The following CPNE5 variants were observed in gnomAD, a reference collection of about 807,000 sequenced individuals.
CPNE5 encodes the protein copine-5.
Under a neutral mutation model 81.1 loss-of-function variants are expected in CPNE5, and 42 were observed. The ratio of observed to expected loss-of-function variants is 0.52; its 90% CI spans 0.40 to 0.67. The LOEUF is 0.67. Among genes scored for constraint, CPNE5 ranks in the 30% least tolerant of loss-of-function variants. CPNE5 has a pLI of 0.00. For missense variants in CPNE5, 612 were observed against 815.5 expected, an observed-to-expected ratio of 0.75 and a Z score of 3.04; for synonymous variants, 313 against 321.5, an observed-to-expected ratio of 0.97 and a Z score of 0.28.
chr6:36,767,957 AGTGC>A (rs745601063), intron 10 of CPNE5, among the ~76,000 whole-genome samples: 4 of 152,192 alleles, frequency 2.6e-5, no homozygotes, highest in Non-Finnish European at 4.4e-5. Context: ...GTTGGTCTGG[AGTGC>A]AAGCTGGGCA....
chr6:36,805,089 G>A (rs74637592), intron 3 of CPNE5, among the ~76,000 whole-genome samples: 1,676 of 152,280 alleles, frequency 0.011, 12 homozygotes, highest in Middle Eastern at 0.031. Context: ...CCCCATTAAT[G>A]ATGGCAGGAA....
chr6:36,769,847 G>A lies in CPNE5; in HGVS notation c.738-4471C>T, dbSNP rs144295500. Among the ~76,000 whole-genome samples the A allele has an allele frequency of 9.5e-3, 1,439 of 152,210 alleles. 22 individuals are homozygous for A. The highest frequency in any genetic ancestry group is 0.032 in the African/African-American group (1,326 of 41,470). On this transcript the variant is annotated intron_variant, in intron 10 of 20. Coordinates refer to ENST00000244751, the MANE Select transcript of CPNE5 (RefSeq NM_020939.2). The stretch of plus-strand genomic sequence containing the variant: ...CCCTCCTGGGAGCTCATCTGTGGCC[G>A]GATGCAAAAGAGAAGGAACTCACAC...
chr6:36,820,268 G>A (rs1004335772), intron 3 of CPNE5, among the ~76,000 whole-genome samples: 34 of 151,720 alleles, frequency 2.2e-4, no homozygotes, highest in African/African-American at 7.7e-4. Context: ...GGCAGAGGTA[G>A]CAATGTGGCA....
At chr6:36,781,128 A>G (rs969000468) in intron 8 of CPNE5, among the ~76,000 whole-genome samples, 3 of 152,160 alleles carry the variant, frequency 2.0e-5, no homozygotes, top group African/African-American at 7.2e-5. Context: ...AAGAGGCTGT[A>G]AGCACGGGTG....
At position 36,745,603 on chromosome 6, in the gene CPNE5, AGCAGGCCTGGGCTCC is replaced by A. The variant is rs1377417774; in HGVS notation, c.1201-103_1201-89del. ...GGAACTGAGTCCAGGTGGGGAGGCC[AGCAGGCCTGGGCTCC>A]CCCAGGTCTTCTCTGGTGTGGGGTG... On this transcript the variant is annotated intron_variant, in intron 16 of 20. Coordinates refer to ENST00000244751, the MANE Select transcript of CPNE5 (RefSeq NM_020939.2). 114 of 1,436,152 alleles carry A rather than the reference AGCAGGCCTGGGCTCC, an allele frequency of 7.9e-5. 1 individual carries two copies. The East Asian group carries it at 2.6e-3, about 33-fold the overall frequency. The allele number at this position is 1,436,152 out of a possible 1,614,324, so 89.0% of individuals were successfully genotyped here. A position where few individuals can be genotyped will look rare whatever the true frequency, so the allele number is the denominator to read the frequency against.
intron 6 of CPNE5, among the ~76,000 whole-genome samples, chr6:36,795,141 G>T (rs531087182): frequency 6.6e-6 from 1 of 152,278 alleles, no homozygotes; most frequent in African/African-American, 2.4e-5. Flanking sequence ...TCCTCAGAAT[G>T]TGACTATATT....
At chr6:36,771,225 T>TC (rs1438906516) in intron 10 of CPNE5, among the ~76,000 whole-genome samples, 2 of 152,116 alleles carry the variant, frequency 1.3e-5, no homozygotes, top group South Asian at 2.1e-4. Flanking sequence ...TTAGTAAGCC[T>TC]CCCCCAGATG....
chr6:36,814,276 G>A (rs895948203), intron 3 of CPNE5, among the ~76,000 whole-genome samples: 1 of 152,192 alleles, frequency 6.6e-6, no homozygotes, highest in African/African-American at 2.4e-5. Flanking sequence ...ACCTGTGTCG[G>A]TGAGGACTAC....
At chr6:36,743,607 A>G in intron 20 of CPNE5, 82 bp downstream of exon 20, 4 of 1,354,928 alleles carry the variant, frequency 3.0e-6, no homozygotes, top group Non-Finnish European at 4.2e-6. Flanking sequence ...TTCACCAGGG[A>G]AGCCCCCAAA....
At chr6:36,833,732 A>C (rs1583057073) in intron 1 of CPNE5, among the ~76,000 whole-genome samples, 1 of 152,154 alleles carries the variant, frequency 6.6e-6, no homozygotes, top group Non-Finnish European at 1.5e-5. Flanking sequence ...CTTGGATAAG[A>C]CCACAGCCCT....
rs747201360 is a variant in CPNE5, at chr6:36,809,211, G to GGA, written c.184-9143_184-9142dup. On this transcript the variant is annotated intron_variant, in intron 3 of 20. Transcript: ENST00000244751. ...CAGCCCCTACGCAGAGAGAGAGAGA[G>GGA]GAGAGAGAGAGAGGAAGGGAGAGAC... Among the ~76,000 whole-genome samples, 415 of 151,776 alleles carry GGA rather than the reference G, an allele frequency of 2.7e-3. 2 individuals are homozygous for GGA. Among genetic ancestry groups the GGA allele is most frequent in the African/African-American group, 5.5e-3 (226 of 41,368 alleles).
rs151001722 is a variant in CPNE5, at chr6:36,772,322, T to C, written c.737+2639A>G. Among the ~76,000 whole-genome samples the C allele has an allele frequency of 6.4e-3, 979 of 152,252 alleles. 10 individuals are homozygous for C. The highest frequency in any genetic ancestry group is 0.023 in the African/African-American group (953 of 41,536). Reference sequence around the variant, plus strand: ...ACTTTCCAGCCTTTCCTGGGCCTTCTTTAGAACTCACTGCTCCAACCAGCC... The same window carrying C: ...ACTTTCCAGCCTTTCCTGGGCCTTCCTTAGAACTCACTGCTCCAACCAGCC... On this transcript the variant is annotated intron_variant, in intron 10 of 20. Coordinates refer to ENST00000244751, the MANE Select transcript of CPNE5 (RefSeq NM_020939.2).
intron 3 of CPNE5, among the ~76,000 whole-genome samples, chr6:36,811,838 T>C (rs1771128500): frequency 6.6e-6 from 1 of 151,464 alleles, no homozygotes; most frequent in African/African-American, 2.4e-5. Flanking sequence ...GCGCAGTGGC[T>C]CATGACTGTA....
chr6:36,770,037 A>T (rs1766923607), intron 10 of CPNE5, among the ~76,000 whole-genome samples: 1 of 152,242 alleles, frequency 6.6e-6, no homozygotes. Flanking sequence ...TCCTCAAGTC[A>T]CAGAACATTA....
At chr6:36,830,486 TG>T (rs748145261) in intron 1 of CPNE5, among the ~76,000 whole-genome samples, 17 of 152,212 alleles carry the variant, frequency 1.1e-4, no homozygotes, top group Non-Finnish European at 2.2e-4. Context: ...TTTCAGATCC[TG>T]TTCTCACCCG....
At chr6:36,762,659 G>C (rs1441871894) in intron 12 of CPNE5, among the ~76,000 whole-genome samples, 2 of 152,132 alleles carry the variant, frequency 1.3e-5, no homozygotes, top group African/African-American at 4.8e-5. Context: ...TCTTTATGGG[G>C]ACACTATAAC....
Position 36,839,388 on chromosome 6 carries a change from A to AC in CPNE5, c.-12dup, listed in dbSNP as rs1251675402. 2.6e-6 allele frequency: 4 copies of AC among 1,535,170 alleles called. No homozygotes were observed. The highest frequency in any genetic ancestry group is 2.5e-5 in the East Asian group (1 of 39,680). ...CTCAGGCTGCTCCATCGCCCACCGC[A>AC]CCCCCCACCCCAAATTAGTCAATCC... On this transcript the variant is annotated 5_prime_UTR_variant, in exon 1 of 21. Transcript: ENST00000244751. The surrounding 1 kb of genome is among the most constrained non-coding windows in gnomAD (Gnocchi z 7.3).
intron 11 of CPNE5, among the ~76,000 whole-genome samples, chr6:36,763,949 T>C (rs236430): frequency 0.82 from 124,567 of 152,088 alleles, 51,092 homozygotes; most frequent in Middle Eastern, 0.89. Context: ...GACTTGTACA[T>C]GGCAGAACTC....
chr6:36,822,327 GGTGA>G (rs1772129267), intron 2 of CPNE5, among the ~76,000 whole-genome samples, 167 bp from the exon 3 acceptor site: 1 of 152,104 alleles, frequency 6.6e-6, no homozygotes, highest in African/African-American at 2.4e-5. Context: ...CTGAGATCTT[GGTGA>G]GTGAGTCTGG....
Sources: gnomAD v4.1 joint callset for allele counts (sites outside exome capture counted in the v4.1 genomes callset) on GRCh38, gnomAD v4.1.1 for gene constraint, Gnocchi (gnomAD v3.1) non-coding constraint, MANE v1.5 for transcripts, NCBI Gene and HGNC (gene_info 2026-07-23, HGNC 2026-07-21) for gene names.